Variants in LIPA observed in about 807,000 individuals in gnomAD.
LIPA encodes the protein lipase A, lysosomal acid type, also known as lysosomal acid lipase/cholesteryl ester hydrolase.
Under a neutral mutation model 40.6 loss-of-function variants are expected in LIPA, and 26 were observed. That is an observed-to-expected ratio of 0.64 (90% CI 0.47 to 0.89). The LOEUF (loss-of-function observed/expected upper bound fraction) is 0.89. LIPA is among the 40% of genes least tolerant of loss of function. LIPA has a pLI of 0.00. For missense variants in LIPA, 455 were observed against 479.6 expected, an observed-to-expected ratio of 0.95 and a Z score of 0.48; for synonymous variants, 188 against 168.4, an observed-to-expected ratio of 1.12 and a Z score of -0.90.
At chr10:89,403,955 T>C (rs1375475991) in intron 2 of LIPA, 1 of 369,870 alleles carries the variant, frequency 2.7e-6, no homozygotes, top group Non-Finnish European at 4.8e-6. Flanking sequence ...GTTAGTTAAC[T>C]TTGTAGGAAA....
intron 2 of LIPA, among the ~76,000 whole-genome samples, chr10:89,407,757 G>C (rs117286113): frequency 2.0e-5 from 3 of 152,162 alleles, no homozygotes; most frequent in Middle Eastern, 3.4e-3. Context: ...AGAATGCGTC[G>C]GTAAGGGCCG....
intron 1 of LIPA, among the ~76,000 whole-genome samples, chr10:89,303,071 C>G (rs1026697987): frequency 1.3e-5 from 2 of 150,484 alleles, no homozygotes; most frequent in African/African-American, 4.9e-5. Flanking sequence ...CACCCAGAAT[C>G]TATAGAACCC....
At chr10:89,249,669 A>G (rs1213669965) in intron 1 of LIPA, among the ~76,000 whole-genome samples, 1 of 152,256 alleles carries the variant, frequency 6.6e-6, no homozygotes, top group Non-Finnish European at 1.5e-5. Context: ...CATTCATATA[A>G]AACTCCACAA....
intron 2 of LIPA, chr10:89,377,967 A>G: frequency 1.6e-6 from 1 of 610,552 alleles, no homozygotes; most frequent in East Asian, 2.8e-5. Context: ...TATCATTTTC[A>G]CCCTGCCAAT....
At position 89,306,525 on chromosome 10, in the gene LIPA, C is replaced by A. The variant is rs367707574; in HGVS notation, c.-2+36086G>T. The stretch of plus-strand genomic sequence containing the variant: ...AGCTACCGTCTGGACAACTGGCCAC[C>A]ATCTCAGAACGCCATTGACCCTCTG... On this transcript the variant is annotated intron_variant, in intron 1 of 5. Coordinates refer to the LIPA transcript ENST00000282673. 13 of 1,613,964 alleles carry A rather than the reference C, an allele frequency of 8.1e-6. No homozygotes were observed. The highest frequency in any genetic ancestry group is 1.1e-5 in the Non-Finnish European group (13 of 1,179,978).
intron 7 of LIPA, 115 bp downstream of exon 7, chr10:89,223,569 G>C: frequency 1.1e-6 from 1 of 911,804 alleles, no homozygotes; most frequent in Non-Finnish European, 1.8e-6. Flanking sequence ...CCTCTCAAAT[G>C]AAAGACTCTT....
intron 1 of LIPA, among the ~76,000 whole-genome samples, chr10:89,276,926 C>T (rs1448771009): frequency 6.6e-6 from 1 of 152,102 alleles, no homozygotes; most frequent in African/African-American, 2.4e-5. Context: ...TGAGGTCGAA[C>T]GAAGGCAGCC....
upstream of LIPA, chr10:89,252,088 G>A (rs1205426779): frequency 6.6e-6 from 1 of 152,244 alleles, no homozygotes; most frequent in Non-Finnish European, 1.5e-5. Flanking sequence ...TGTTTTAGGC[G>A]GCCTTCTGCT....
In LIPA at chr10:89,366,886, T is replaced by C. The variant is rs546259755; in HGVS notation, c.61+45905A>G. Among the ~76,000 whole-genome samples the C allele has an allele frequency of 3.3e-3, 505 of 152,322 alleles. 12 individuals are homozygous for C. The highest frequency in any genetic ancestry group is 1.7e-3 in the Non-Finnish European group (119 of 68,026). On this transcript the variant is annotated intron_variant, in intron 2 of 8. Coordinates refer to the LIPA transcript ENST00000371837. ...AAGACACATGCACACGTATGTTTAT[T>C]GCAGCACTATTCACAATAGCAAAGA... is the stretch of plus-strand genomic sequence containing the variant.
chr10:89,413,456 A>G (rs1841493845), intron 1 of LIPA, among the ~76,000 whole-genome samples: 1 of 152,210 alleles, frequency 6.6e-6, no homozygotes, highest in Non-Finnish European at 1.5e-5. Context: ...TTAAAAATTC[A>G]AAATCAGGCC....
intron 2 of LIPA, among the ~76,000 whole-genome samples, chr10:89,409,588 C>T (rs1841454949): frequency 6.6e-6 from 1 of 152,216 alleles, no homozygotes; most frequent in African/African-American, 2.4e-5. Context: ...CAGCTCATGT[C>T]ATCACTCTCA....
intron 1 of LIPA, among the ~76,000 whole-genome samples, chr10:89,266,303 A>T (rs1843236180): frequency 6.8e-6 from 1 of 147,002 alleles, no homozygotes; most frequent in African/African-American, 2.6e-5. Flanking sequence ...GTGTGAATTA[A>T]TGTAAGAAAA....
At chr10:89,323,287 A>G (rs1465767850) in intron 1 of LIPA, among the ~76,000 whole-genome samples, 2 of 152,178 alleles carry the variant, frequency 1.3e-5, no homozygotes, top group Non-Finnish European at 2.9e-5. Flanking sequence ...GAAGGAACAT[A>G]CCTCCAGATA....
intron 2 of LIPA, chr10:89,403,426 A>G: frequency 6.2e-7 from 1 of 1,613,946 alleles, no homozygotes; most frequent in Non-Finnish European, 8.5e-7. Flanking sequence ...CATTTCCACT[A>G]TGGTCGGTTT....
chr10:89,247,846 TTTTATTTATTTATTTA>T (rs3063809), intron 1 of LIPA, 197 bp from the exon 2 acceptor site: 11 of 164,236 alleles, frequency 6.7e-5, no homozygotes, highest in Admixed American at 1.3e-4. Context: ...TTTATTTTTA[TTTTATTTATTTATTTA>T]TTTATTTATT....
intron 1 of LIPA, chr10:89,306,855 A>G: frequency 3.1e-6 from 5 of 1,614,100 alleles, no homozygotes; most frequent in Non-Finnish European, 4.2e-6. Flanking sequence ...CAAGTAATGA[A>G]TCTAAGAGAG....
intron 2 of LIPA, among the ~76,000 whole-genome samples, chr10:89,360,135 A>T (rs935682160): frequency 8.5e-5 from 13 of 152,212 alleles, no homozygotes; most frequent in African/African-American, 3.1e-4. Flanking sequence ...TATGAGAATG[A>T]ACTATCTTAC....
chr10:89,305,820 CAT>C (rs1843474238), intron 1 of LIPA: 2 of 649,612 alleles, frequency 3.1e-6, no homozygotes, highest in South Asian at 3.9e-5. Context: ...TAAGGAAAAA[CAT>C]ATTATAGAAA....
intron 2 of LIPA, among the ~76,000 whole-genome samples, chr10:89,367,327 TA>T (rs905204694): frequency 8.6e-5 from 13 of 151,096 alleles, no homozygotes; most frequent in South Asian, 2.1e-4. Flanking sequence ...GTATAATAAT[TA>T]AAAAAAAAGA....
Sources: gnomAD v4.1 joint callset for allele counts (sites outside exome capture counted in the v4.1 genomes callset) on GRCh38, gnomAD v4.1.1 for gene constraint, MANE v1.5 for transcripts, NCBI Gene and HGNC (gene_info 2026-07-23, HGNC 2026-07-21) for gene names.